The following PITPNM1 variants were observed in gnomAD, a reference collection of about 807,000 sequenced individuals.
The protein encoded by PITPNM1 is membrane-associated phosphatidylinositol transfer protein 1.
Under a neutral mutation model 133.3 loss-of-function variants are expected in PITPNM1, and 74 were observed. The observed-to-expected ratio is 0.56, with a 90% confidence interval of 0.46 to 0.67. The LOEUF (loss-of-function observed/expected upper bound fraction) is 0.67. PITPNM1 is among the 30% of genes least tolerant of loss of function. The pLI, the probability that PITPNM1 is intolerant of heterozygous loss-of-function variation, is 0.00. For synonymous variants in PITPNM1, 738 were observed against 741.4 expected (o/e 1.00, Z 0.08); for missense variants, 1,398 against 1,739.5 (o/e 0.80, Z 3.49).
chr11:67,495,532 G>C lies in PITPNM1; in HGVS notation c.2388C>G (p.Thr796=), dbSNP rs145683120. Residue 796 remains threonine (T), a synonymous_variant, in exon 16 of 24, where the codon ACC becomes ACG. Transcript: ENST00000356404. ...ELEMLVPSTP[T]STSGAFWKGS... ...CCTTCCAGAAGGCACCGCTAGTAGA[G>C]GTGGGTGTTGAGGGCACCAGCATCT... is the stretch of plus-strand genomic sequence containing the variant. 1,372 of 1,590,234 alleles carry C rather than the reference G, an allele frequency of 8.6e-4. 8 individuals are homozygous for C. In the African/African-American group the frequency reaches 0.013, roughly 15 times the overall value.
chr11:67,497,539 G>A lies in PITPNM1; in HGVS notation c.1923C>T (p.Pro641=), dbSNP rs373996858. 6.3e-5 allele frequency: 102 copies of A among 1,608,700 alleles called. 1 individual carries two copies. Among genetic ancestry groups the A allele is most frequent in the African/African-American group, 5.4e-5 (4 of 74,628 alleles). Residue 641 remains proline (P), a synonymous_variant, in exon 13 of 24, where the codon CCC becomes CCT. Coordinates refer to ENST00000356404, the MANE Select transcript of PITPNM1 (RefSeq NM_004910.3). The part of the protein sequence containing the change: ...RIPSDMASPE[P]EGSQNSLQAA... ...GACGTCACCTGTTCTGAGAGCCCTC[G>A]GGCTCAGGACTGGCCATGTCGCTGG...
chr11:67,495,396 T>C (rs773645786), intron 16 of PITPNM1, 42 bp downstream of exon 16: 52 of 1,461,830 alleles, frequency 3.6e-5, no homozygotes, highest in Non-Finnish European at 4.1e-5. Context: ...AATACGGGCC[T>C]CCCCCACCCC....
Position 67,499,738 on chromosome 11 carries a change from C to T in PITPNM1, c.1156G>A (p.Ala386Thr), listed in dbSNP as rs774752437. The change falls in exon 8 of 24, where the codon GCA becomes ACA. Residue 386 changes from alanine to threonine, a missense_variant. Ala to Thr is a moderately conservative substitution (Grantham distance 58). Coordinates refer to ENST00000356404, the MANE Select transcript of PITPNM1 (RefSeq NM_004910.3). ...GTATCTTTACCTGGCGTTCCCTCTG[C>T]CTCCACTGGGGAGGCAAAGGCATCA... Reference protein sequence around the residue: ...FIDAFASPVEAEGTPEPGAEA... With the variant: ...FIDAFASPVETEGTPEPGAEA... 10 of 1,505,502 alleles carry T rather than the reference C, an allele frequency of 6.6e-6. No homozygotes were observed. In the South Asian group the frequency reaches 8.0e-5, roughly 12 times the overall value. 93.3% of individuals were successfully genotyped at this position (1,505,502 alleles called of 1,614,324 possible).
rs1409623149 is a variant in PITPNM1, at chr11:67,502,891, C to T, written c.79-173G>A. On this transcript the variant is annotated intron_variant, in intron 2 of 23. Transcript: ENST00000356404. The surrounding 1 kb of genome is among the most constrained non-coding windows in gnomAD (Gnocchi z 5.9). ...CCTGGGATCAGAATCACAGATGCAG[C>T]CCAGCCCCGCATGGGGTCTGCAACC... is the stretch of plus-strand genomic sequence containing the variant. Among the ~76,000 whole-genome samples the T allele has an allele frequency of 6.6e-6, 1 of 152,208 alleles. No homozygotes were observed. Among genetic ancestry groups the T allele is most frequent in the African/African-American group, 2.4e-5 (1 of 41,442 alleles).
chr11:67,493,818 C>T lies in PITPNM1; in HGVS notation c.3028G>A (p.Glu1010Lys), dbSNP rs1866014546. ...MVVRGDHTYAECCLTVVARGT... is the reference protein window; with the variant it reads ...MVVRGDHTYAKCCLTVVARGT... ...CGGGCCACCACAGTCAGGCAGCATTCGGCATAGGTGTGGTCGCCCCTGCGG... is the reference window on the plus strand; with the variant it reads ...CGGGCCACCACAGTCAGGCAGCATTTGGCATAGGTGTGGTCGCCCCTGCGG... The change falls in exon 21 of 24, where the codon GAA becomes AAA. Residue 1010 changes from glutamate (E) to lysine (K), a missense_variant. Physicochemically the swap from Glu to Lys is moderately conservative, Grantham distance 56. Around this residue, in one of 5 missense-constraint regions of PITPNM1, gnomAD observed 233 missense variants for 378.0 expected, o/e 0.62. Coordinates refer to ENST00000356404, the MANE Select transcript of PITPNM1 (RefSeq NM_004910.3). The T allele has an allele frequency of 1.9e-6, 3 of 1,548,952 alleles. No individual in the cohort carries two copies. Among genetic ancestry groups the T allele is most frequent in the Non-Finnish European group, 2.6e-6 (3 of 1,147,154 alleles).
chr11:67,492,995 A>G lies in PITPNM1; in HGVS notation c.3410T>C (p.Leu1137Pro), dbSNP rs754234960. ...KDVAVYAALGLSPSQTYIVGR... is the reference protein window; with the variant it reads ...KDVAVYAALGPSPSQTYIVGR... ...CACGATGTAGGTCTGGCTCGGGGACAGCCCCAGCGCCGCGTATACAGCCAC... is the reference window on the plus strand; with the variant it reads ...CACGATGTAGGTCTGGCTCGGGGACGGCCCCAGCGCCGCGTATACAGCCAC... The change falls in exon 23 of 24, where the codon CTG (leucine) becomes CCG (proline). Residue 1137 changes from leucine to proline, a missense_variant. Physicochemically the swap from Leu to Pro is moderately conservative, Grantham distance 98. Coordinates refer to ENST00000356404, the MANE Select transcript of PITPNM1 (RefSeq NM_004910.3). The G allele has an allele frequency of 6.2e-7, 1 of 1,612,964 alleles. No individual in the cohort carries two copies. Among genetic ancestry groups the G allele is most frequent in the Non-Finnish European group, 8.5e-7 (1 of 1,179,918 alleles).
chr11:67,493,665 G>A (rs1866009758), intron 21 of PITPNM1, 23 bp downstream of exon 21: 4 of 1,545,322 alleles, frequency 2.6e-6, no homozygotes, highest in Non-Finnish European at 3.5e-6. Context: ...GAAATGGGTG[G>A]TGGTGGCAGT....
chr11:67,500,248 CG>C lies in PITPNM1; in HGVS notation c.813del (p.Lys273AsnfsTer96). 1.9e-6 allele frequency: 3 copies of C among 1,606,286 alleles called. No homozygotes were observed. The highest frequency in any genetic ancestry group is 1.7e-6 in the Non-Finnish European group (2 of 1,179,788). On this transcript the variant is annotated frameshift_variant, in exon 6 of 24. Transcript: ENST00000356404. LOFTEE classifies it high-confidence loss of function. ...TGSEGSEAQP[P>X]GKPSTEARSA... ...GACCGGGCCTCGGTGCTCGGTTTCC[CG>C]GGGGGCTGGGCCTCGGACCCCTCAC...
chr11:67,496,029 A>AC (rs1393170857), intron 15 of PITPNM1, 149 bp downstream of exon 15: 20 of 792,190 alleles, frequency 2.5e-5, no homozygotes, highest in South Asian at 5.0e-5. Context: ...GGGGATCCAG[A>AC]CCCCCCCAGG....
chr11:67,495,402 AC>A, intron 16 of PITPNM1, 35 bp downstream of exon 16: 1 of 1,464,060 alleles, frequency 6.8e-7, no homozygotes, highest in Admixed American at 2.6e-5. Flanking sequence ...GGCCTCCCCC[AC>A]CCCCAGGCTG....
chr11:67,497,317 T>C lies in PITPNM1; in HGVS notation c.2060A>G (p.Asp687Gly). Residue 687 changes from aspartate to glycine, a missense_variant, in exon 14 of 24, where the codon GAC becomes GGC. Around this residue, in one of 5 missense-constraint regions of PITPNM1, gnomAD observed 574 missense variants for 698.7 expected, o/e 0.82. Transcript: ENST00000356404. ...PDGPSSTARL[D>G]FKVSGFFLFG... The stretch of plus-strand genomic sequence containing the variant: ...GAGGAAGAAGCCAGAGACCTTGAAG[T>C]CAAGGCGGGCAGTGCTGCTGGGGCC... 1 of 1,612,232 alleles carries C rather than the reference T, an allele frequency of 6.2e-7. No individual in the cohort carries two copies.
chr11:67,505,636 G>C (rs1866483269), upstream of PITPNM1, among the ~76,000 whole-genome samples: 1 of 152,200 alleles, frequency 6.6e-6, no homozygotes, highest in African/African-American at 2.4e-5. The surrounding 1 kb of genome is among the most constrained non-coding windows in gnomAD (Gnocchi z 5.8). Flanking sequence ...GCAGTCACAG[G>C]GTGGTTTGAT....
intron 19 of PITPNM1, 67 bp downstream of exon 19, chr11:67,494,177 C>G: frequency 6.3e-7 from 1 of 1,575,230 alleles, no homozygotes; most frequent in South Asian, 1.1e-5. Context: ...CCACCAGGGA[C>G]CAGGAGCTGT....
In PITPNM1 at chr11:67,504,051, G is replaced by T; in HGVS notation, c.78+52C>A. ...CCCAGCCCCGGGGCAGGGCTGGCGGGGTCGGCAGGGCTCCACCCCTTGCCC... is the reference window on the plus strand; with the variant it reads ...CCCAGCCCCGGGGCAGGGCTGGCGGTGTCGGCAGGGCTCCACCCCTTGCCC... On this transcript the variant is annotated intron_variant, in intron 2 of 23. Coordinates refer to ENST00000356404, the MANE Select transcript of PITPNM1 (RefSeq NM_004910.3). This position sits in a 1 kb window ranked among gnomAD's most constrained non-coding sequence, Gnocchi z 5.4. 1 of 1,423,650 alleles carries T rather than the reference G, an allele frequency of 7.0e-7. No individual in the cohort carries two copies. The highest frequency in any genetic ancestry group is 2.4e-5 in the East Asian group (1 of 41,112). 88.2% of individuals were successfully genotyped at this position (1,423,650 alleles called of 1,614,324 possible). A position where few individuals can be genotyped will look rare whatever the true frequency, so the allele number is the denominator to read the frequency against.
chr11:67,497,172 G>T, intron 14 of PITPNM1, 59 bp downstream of exon 14: 1 of 1,397,078 alleles, frequency 7.2e-7, no homozygotes. Flanking sequence ...GGCCAGAGGA[G>T]GTGGGGAAGG....
chr11:67,496,405 G>A, intron 14 of PITPNM1, 57 bp from the exon 15 acceptor site: 2 of 1,478,414 alleles, frequency 1.4e-6, no homozygotes, highest in South Asian at 2.5e-5. Flanking sequence ...TGGGCACTCT[G>A]GGAGGTAGGG....
At position 67,492,916 on chromosome 11, in the gene PITPNM1, C is replaced by G; in HGVS notation, c.3471+18G>C. 6.2e-7 allele frequency: 1 copy of G among 1,609,136 alleles called. No individual in the cohort carries two copies. The highest frequency in any genetic ancestry group is 8.5e-7 in the Non-Finnish European group (1 of 1,177,436). On this transcript the variant is annotated intron_variant, in intron 23 of 23. Transcript: ENST00000356404. Reference sequence around the variant, plus strand: ...CCCCCTGGTGGGGTCCTGTTCCTGGCCTTCACTTGGGCCTCACCTGGCACT... The same window carrying G: ...CCCCCTGGTGGGGTCCTGTTCCTGGGCTTCACTTGGGCCTCACCTGGCACT...
chr11:67,493,345 G>C, intron 22 of PITPNM1, 65 bp downstream of exon 22: 1 of 1,437,156 alleles, frequency 7.0e-7, no homozygotes, highest in Non-Finnish European at 9.4e-7. Context: ...CCGCCGATCC[G>C]GGGGTGGAGG....
In PITPNM1 at chr11:67,493,463, T is replaced by C; in HGVS notation, c.3289A>G (p.Thr1097Ala). The C allele has an allele frequency of 6.2e-7, 1 of 1,605,562 alleles. No individual in the cohort carries two copies. Reference protein sequence around the residue: ...HGVVSFCDGLTHDPLRQKAMF... With the variant: ...HGVVSFCDGLAHDPLRQKAMF... ...GCCTTCTGGCGTAGTGGGTCGTGGG[T>C]GAGGCCGTCGCAGAAGGAGACGACG... Residue 1097 changes from threonine to alanine, a missense_variant, in exon 22 of 24, where the codon ACC (threonine) becomes GCC (alanine). This residue lies in a region of PITPNM1 where 233 missense variants were observed against 378.0 expected (regional missense o/e 0.62). Coordinates refer to ENST00000356404, the MANE Select transcript of PITPNM1 (RefSeq NM_004910.3).
Sources: gnomAD v4.1 joint callset for allele counts (sites outside exome capture counted in the v4.1 genomes callset) on GRCh38, gnomAD v4.1.1 for gene constraint, gnomAD v4.1.1 regional missense constraint, Gnocchi (gnomAD v3.1) non-coding constraint, MANE v1.5 for transcripts, NCBI Gene and HGNC (gene_info 2026-07-23, HGNC 2026-07-21) for gene names.